Variants in KALRN observed in about 807,000 individuals in gnomAD.
KALRN encodes kalirin.
In KALRN, 70 loss-of-function variants were observed where a neutral mutation model predicts 353.7. That is an observed-to-expected ratio of 0.20 (90% CI 0.16 to 0.24). The LOEUF (loss-of-function observed/expected upper bound fraction) is 0.24. Among genes scored for constraint, KALRN ranks in the 10% least tolerant of loss-of-function variants. KALRN has a pLI of 1.00. For synonymous variants in KALRN, 1,391 were observed against 1,434.8 expected, an observed-to-expected ratio of 0.97 and a Z score of 0.69; for missense variants, 2,791 against 3,756.7, an observed-to-expected ratio of 0.74 and a Z score of 6.72.
rs528191782 is a variant in KALRN at position 124,475,339 on chromosome 3, A to G, written c.4101+607A>G. Among the ~76,000 whole-genome samples the G allele has an allele frequency of 2.6e-5, 4 of 152,328 alleles. 1 individual carries two copies. Among genetic ancestry groups the G allele is most frequent in the African/African-American group, 9.6e-5 (4 of 41,582 alleles). On this transcript the variant is annotated intron_variant, in intron 26 of 59. Transcript: ENST00000682506. ...GTTCATCCTCCTTCATGCTGTTATC[A>G]TGGGCCAAGTAAAGGGGCTGAATGT...
chr3:124,664,371 G>GTGTGTGTGTGTGCGCGCGCGCGCGTGCA (rs780486751), intron 45 of KALRN, among the ~76,000 whole-genome samples: 1 of 77,044 alleles, frequency 1.3e-5, no homozygotes, highest in African/African-American at 1.1e-4. Context: ...GTGTGTGTGT[G>GTGTGTGTGTGTGCGCGCGCGCGCGTGCA]CGCGCGCGCG....
intron 1 of KALRN, among the ~76,000 whole-genome samples, chr3:124,184,864 C>T (rs1446403776): frequency 6.6e-6 from 1 of 152,110 alleles, no homozygotes; most frequent in African/African-American, 2.4e-5. Context: ...AATAGTATGT[C>T]TTAGACATGG....
chr3:124,374,876 C>T (rs1311293975), intron 10 of KALRN, among the ~76,000 whole-genome samples: 1 of 152,168 alleles, frequency 6.6e-6, no homozygotes, highest in African/African-American at 2.4e-5. Flanking sequence ...CAGCAGGCAG[C>T]CTTATTCTGT....
At chr3:124,417,449 C>A (rs2092568363) in intron 14 of KALRN, among the ~76,000 whole-genome samples, 2 of 152,106 alleles carry the variant, frequency 1.3e-5, no homozygotes, top group South Asian at 2.1e-4. Flanking sequence ...AGCAACGTAC[C>A]CTATGGATAT....
At chr3:124,317,628 T>G (rs775604098) in intron 6 of KALRN, among the ~76,000 whole-genome samples, 2 of 148,662 alleles carry the variant, frequency 1.3e-5, no homozygotes, top group Admixed American at 6.8e-5. Flanking sequence ...ATTCAGAAAG[T>G]TGGGGAAGGG....
chr3:124,148,074 C>T (rs930225440), intron 1 of KALRN, among the ~76,000 whole-genome samples: 2 of 152,158 alleles, frequency 1.3e-5, no homozygotes, highest in Non-Finnish European at 2.9e-5. Context: ...GAACAAGAAA[C>T]ATCCCACCCA....
chr3:124,590,011 C>A (rs1475849501), intron 34 of KALRN, among the ~76,000 whole-genome samples: 1 of 151,866 alleles, frequency 6.6e-6, no homozygotes, highest in African/African-American at 2.4e-5. Flanking sequence ...TTCTATCTTT[C>A]TTTTTTCTTT....
chr3:124,378,730 G>A (rs761872381), intron 10 of KALRN, among the ~76,000 whole-genome samples: 55 of 151,958 alleles, frequency 3.6e-4, no homozygotes, highest in South Asian at 8.3e-4. Context: ...GTACTTTAAA[G>A]ATGTTGCTCC....
chr3:124,597,067 AACAC>A (rs1348242239), intron 34 of KALRN, among the ~76,000 whole-genome samples: 3 of 134,108 alleles, frequency 2.2e-5, no homozygotes, highest in South Asian at 4.6e-4. Flanking sequence ...CAAAAACAAA[AACAC>A]AAACAAAACA....
At chr3:124,452,120 G>T (rs2058843935) in intron 21 of KALRN, among the ~76,000 whole-genome samples, 1 of 152,164 alleles carries the variant, frequency 6.6e-6, no homozygotes, top group South Asian at 2.1e-4. Flanking sequence ...CAGGCATTTG[G>T]CAGGTCATGT....
At chr3:124,314,014 G>T (rs1304225827) in intron 6 of KALRN, among the ~76,000 whole-genome samples, 2 of 152,070 alleles carry the variant, frequency 1.3e-5, no homozygotes, top group African/African-American at 4.8e-5. Context: ...ATACCCAAAG[G>T]ATTATAAATC....
At chr3:124,330,080 G>C in intron 8 of KALRN, 88 bp downstream of exon 8, 1 of 1,376,190 alleles carries the variant, frequency 7.3e-7, no homozygotes, top group Non-Finnish European at 9.8e-7. Flanking sequence ...CTGTGAAATA[G>C]CCTGGGTGGG....
At chr3:124,607,858 G>C (rs2077511976) in intron 34 of KALRN, among the ~76,000 whole-genome samples, 1 of 151,972 alleles carries the variant, frequency 6.6e-6, no homozygotes, top group Non-Finnish European at 1.5e-5. Context: ...GCCTGCCTCA[G>C]CCTCCCAAAA....
At position 124,087,817 on chromosome 3, in the gene KALRN, G is replaced by T. The variant is rs2060901867; in HGVS notation, c.73+54004G>T. 2.0e-5 allele frequency among the ~76,000 whole-genome samples: 3 copies of T among 152,110 alleles called. No individual in the cohort carries two copies. In the South Asian group the frequency reaches 6.2e-4, roughly 31 times the overall value. Reference sequence around the variant, plus strand: ...AGCTTAGCCTTCTCACAACAAAGCAGCTAGATGCCAAGAACAGTTGTATCT... The same window carrying T: ...AGCTTAGCCTTCTCACAACAAAGCATCTAGATGCCAAGAACAGTTGTATCT... On this transcript the variant is annotated intron_variant, in intron 1 of 59. Coordinates refer to ENST00000682506, the MANE Select transcript of KALRN (RefSeq NM_001388419.1).
chr3:124,362,857 C>T (rs1359097545), intron 10 of KALRN, among the ~76,000 whole-genome samples: 1 of 152,106 alleles, frequency 6.6e-6, no homozygotes, highest in Non-Finnish European at 1.5e-5. Flanking sequence ...TCTTTAGTGT[C>T]TTGGGAATTC....
chr3:124,455,232 A>C lies in KALRN; in HGVS notation c.3608A>C (p.Lys1203Thr). The change falls in exon 22 of 60, where the codon AAA becomes ACA. Residue 1203 changes from lysine to threonine, a missense_variant. Coordinates refer to ENST00000682506, the MANE Select transcript of KALRN (RefSeq NM_001388419.1). ...CAGCTGGCCGATAGCTTTGTGGAAA[A>C]AGGCCACATTCATGCCACGGAGATA... ...LIQLADSFVE[K>T]GHIHATEIRK... 6.2e-7 allele frequency: 1 copy of C among 1,614,184 alleles called. No homozygotes were observed. The highest frequency in any genetic ancestry group is 8.5e-7 in the Non-Finnish European group (1 of 1,180,020).
chr3:124,109,068 C>A (rs1218018997), intron 1 of KALRN, among the ~76,000 whole-genome samples: 2 of 152,130 alleles, frequency 1.3e-5, no homozygotes, highest in Non-Finnish European at 2.9e-5. Flanking sequence ...AGAATTTGGG[C>A]AATTGAATTA....
At chr3:124,131,869 A>T (rs1270319066) in intron 1 of KALRN, among the ~76,000 whole-genome samples, 3 of 152,192 alleles carry the variant, frequency 2.0e-5, no homozygotes, top group African/African-American at 4.8e-5. Flanking sequence ...GACACAAGGC[A>T]ATCTGTTCGC....
chr3:124,685,468 A>G (rs1450446904), intron 51 of KALRN, among the ~76,000 whole-genome samples: 1 of 152,248 alleles, frequency 6.6e-6, no homozygotes, highest in Non-Finnish European at 1.5e-5. Context: ...TACAGCTAAT[A>G]AAAAGAGCAA....
Sources: allele counts gnomAD v4.1 joint callset (sites outside exome capture counted in the v4.1 genomes callset), GRCh38; gene constraint gnomAD v4.1.1; transcripts MANE v1.5; gene names NCBI Gene and HGNC (gene_info 2026-07-23, HGNC 2026-07-21).